IGSF10: variants seen among roughly 807,000 people sequenced by gnomAD.
The protein encoded by IGSF10 is calvaria mechanical force protein 608.
IGSF10 carries 126 observed loss-of-function variants against 128.2 expected under a neutral mutation model. The observed-to-expected ratio is 0.98, with a 90% CI of 0.85 to 1.14. The LOEUF (loss-of-function observed/expected upper bound fraction) is 1.14. Among genes scored for constraint, IGSF10 ranks in the 50% most tolerant of loss-of-function variants. The pLI, the probability that IGSF10 is intolerant of heterozygous loss-of-function variation, is 0.00. For missense variants in IGSF10, 3,295 were observed against 3,149.8 expected (o/e 1.05, Z -1.10); for synonymous variants, 1,185 against 1,146.2 (o/e 1.03, Z -0.68).
chr3:151,596,052 T>C, the IGSF10 span, among the ~76,000 whole-genome samples: 1 of 152,184 alleles, frequency 6.6e-6, no homozygotes, highest in African/African-American at 2.4e-5. Context: ...TATGTACAAA[T>C]GTATTAAAAA....
At chr3:151,617,317 T>TCC in the IGSF10 span, among the ~76,000 whole-genome samples, 277 of 118,444 alleles carry the variant, frequency 2.3e-3, 6 homozygotes, top group African/African-American at 8.0e-3. Context: ...CTTCTTCTTC[T>TCC]TCCCCTCCTC....
the IGSF10 span, among the ~76,000 whole-genome samples, chr3:151,525,695 A>G: frequency 6.6e-5 from 10 of 152,262 alleles, no homozygotes; most frequent in East Asian, 1.9e-3. Context: ...AGACTACCCT[A>G]AGCATCCTTA....
the IGSF10 span, among the ~76,000 whole-genome samples, chr3:151,576,923 T>A: frequency 6.8e-6 from 1 of 147,678 alleles, no homozygotes; most frequent in African/African-American, 2.7e-5. Flanking sequence ...CCCTTGGGGC[T>A]GCTCTACCTA....
the IGSF10 span, among the ~76,000 whole-genome samples, chr3:151,498,957 G>A: frequency 6.6e-6 from 1 of 151,930 alleles, no homozygotes; most frequent in Non-Finnish European, 1.5e-5. Flanking sequence ...GTTTTTAATA[G>A]GATTTTTTTT....
the IGSF10 span, among the ~76,000 whole-genome samples, chr3:151,512,221 A>T: frequency 3.9e-5 from 6 of 152,072 alleles, no homozygotes; most frequent in African/African-American, 7.2e-5. Context: ...GAAGTAAAGC[A>T]CTCCTCAGCA....
At chr3:151,618,485 C>T in the IGSF10 span, among the ~76,000 whole-genome samples, 4 of 152,070 alleles carry the variant, frequency 2.6e-5, no homozygotes, top group Admixed American at 1.3e-4. Context: ...AATCCCAACA[C>T]TTTGGGAGGC....
chr3:151,515,660 G>C, the IGSF10 span, among the ~76,000 whole-genome samples: 1 of 150,734 alleles, frequency 6.6e-6, no homozygotes, highest in Non-Finnish European at 1.5e-5. Context: ...TCATCATGGA[G>C]AAGATAAAAT....
the IGSF10 span, among the ~76,000 whole-genome samples, chr3:151,511,553 T>A: frequency 2.0e-5 from 3 of 152,100 alleles, no homozygotes; most frequent in Non-Finnish European, 4.4e-5. Flanking sequence ...AGAAACTGCA[T>A]CAACTAATGA....
rs1463038028 is a variant in IGSF10 at position 151,453,456 on chromosome 3, A to G, written c.643T>C (p.Tyr215His). Residue 215 changes from tyrosine to histidine, a missense_variant, in exon 5 of 8, where the codon TAC (tyrosine) becomes CAC (histidine). Coordinates refer to ENST00000282466, the MANE Select transcript of IGSF10 (RefSeq NM_178822.5). The stretch of plus-strand genomic sequence containing the variant: ...CAGGTCCATGGGTTTCCATGCAGGT[A>G]AAGGCTGTCTAGGTCAGGCATATAG... ...VSYMPDLDSLYLHGNPWTCDC... is the reference protein window; with the variant it reads ...VSYMPDLDSLHLHGNPWTCDC... The G allele has an allele frequency of 6.2e-7, 1 of 1,613,996 alleles. No homozygotes were observed. Among genetic ancestry groups the G allele is most frequent in the East Asian group, 2.2e-5 (1 of 44,874 alleles).
chr3:151,508,098 G>A, the IGSF10 span, among the ~76,000 whole-genome samples: 35 of 151,988 alleles, frequency 2.3e-4, no homozygotes, highest in Middle Eastern at 3.4e-3. Flanking sequence ...TACTAGATAC[G>A]AGAGAAGCAA....
the IGSF10 span, chr3:151,499,925 T>C: frequency 5.3e-5 from 8 of 151,888 alleles, no homozygotes; most frequent in Non-Finnish European, 1.2e-4. Context: ...CTTGGTGTTT[T>C]AGATTTTGGT....
chr3:151,482,093 ACAAC>A, the IGSF10 span, among the ~76,000 whole-genome samples: 1 of 152,238 alleles, frequency 6.6e-6, no homozygotes, highest in Non-Finnish European at 1.5e-5. Context: ...AGCTGACTGC[ACAAC>A]CAGAGACATA....
chr3:151,610,866 T>C, the IGSF10 span, among the ~76,000 whole-genome samples: 1 of 152,100 alleles, frequency 6.6e-6, no homozygotes, highest in East Asian at 1.9e-4. Context: ...AGATAACTAA[T>C]CTACTCTCTA....
the IGSF10 span, among the ~76,000 whole-genome samples, chr3:151,615,304 C>T: frequency 6.6e-6 from 1 of 151,984 alleles, no homozygotes; most frequent in African/African-American, 2.4e-5. Context: ...GTCTATATCA[C>T]TATTTTTAAT....
chr3:151,440,574 C>A (rs1401131701), intron 7 of IGSF10: 2 of 456,686 alleles, frequency 4.4e-6, no homozygotes, highest in South Asian at 1.5e-5. Flanking sequence ...TAGCAACTTG[C>A]CTTAGGTCAC....
chr3:151,607,728 G>A, the IGSF10 span, among the ~76,000 whole-genome samples: 197 of 151,738 alleles, frequency 1.3e-3, 1 homozygote, highest in East Asian at 0.031. Flanking sequence ...TGGCTAATAC[G>A]GTGAAACCCC....
the IGSF10 span, among the ~76,000 whole-genome samples, chr3:151,589,163 G>A: frequency 1.3e-5 from 2 of 152,136 alleles, no homozygotes; most frequent in African/African-American, 4.8e-5. Flanking sequence ...AATGCAGTGA[G>A]CTCTTTCTGA....
At chr3:151,559,237 G>A in the IGSF10 span, among the ~76,000 whole-genome samples, 1 of 152,152 alleles carries the variant, frequency 6.6e-6, no homozygotes, top group Non-Finnish European at 1.5e-5. Context: ...ATATGTGAAA[G>A]CACAGGCACG....
the IGSF10 span, among the ~76,000 whole-genome samples, chr3:151,473,638 T>A: frequency 6.6e-6 from 1 of 152,118 alleles, no homozygotes; most frequent in Non-Finnish European, 1.5e-5. Flanking sequence ...ACAAAAAAAG[T>A]AAATTTCCCA....
Sources: gnomAD v4.1 joint callset for allele counts (sites outside exome capture counted in the v4.1 genomes callset) on GRCh38, gnomAD v4.1.1 for gene constraint, MANE v1.5 for transcripts, NCBI Gene and HGNC (gene_info 2026-07-23, HGNC 2026-07-21) for gene names.